The following DSCAML1 variants were observed in gnomAD, a reference collection of about 807,000 sequenced individuals.
DSCAML1 encodes DS cell adhesion molecule like 1, also known as cell adhesion molecule DSCAML1.
Under a neutral mutation model 200.5 loss-of-function variants are expected in DSCAML1, and 38 were observed. That is an observed-to-expected ratio of 0.19 (90% CI 0.15 to 0.25). DSCAML1 has a LOEUF of 0.25. Ranked by LOEUF, DSCAML1 falls within the 10% of genes least tolerant of loss-of-function variation. The pLI is 1.00. For missense variants in DSCAML1, 2,223 were observed against 2,858.8 expected (o/e 0.78, Z 5.07); for synonymous variants, 1,215 against 1,165.0 (o/e 1.04, Z -0.87).
At chr11:117,445,669 A>G (rs1478964470) in intron 20 of DSCAML1, among the ~76,000 whole-genome samples, 2 of 152,276 alleles carry the variant, frequency 1.3e-5, no homozygotes, top group Non-Finnish European at 2.9e-5. Context: ...CAGTACAGGA[A>G]CGTATGTGTT....
chr11:117,654,696 T>C (rs2052698851), intron 3 of DSCAML1, among the ~76,000 whole-genome samples: 2 of 152,150 alleles, frequency 1.3e-5, no homozygotes, highest in African/African-American at 4.8e-5. Flanking sequence ...CTGCAGAATG[T>C]TAAATTGGAA....
chr11:117,597,925 A>T (rs1481031081), intron 3 of DSCAML1, among the ~76,000 whole-genome samples: 1 of 152,260 alleles, frequency 6.6e-6, no homozygotes, highest in Non-Finnish European at 1.5e-5. Context: ...AAAAGAAAAA[A>T]AAAAGCAACC....
At chr11:117,511,387 C>T (rs1293730588) in intron 8 of DSCAML1, among the ~76,000 whole-genome samples, 1 of 152,180 alleles carries the variant, frequency 6.6e-6, no homozygotes, top group African/African-American at 2.4e-5. Context: ...GGAGCCAATG[C>T]AAAGGGGCCC....
chr11:117,488,001 C>T (rs929311402), intron 11 of DSCAML1, among the ~76,000 whole-genome samples: 1 of 152,168 alleles, frequency 6.6e-6, no homozygotes, highest in Non-Finnish European at 1.5e-5. Flanking sequence ...GAGGGAAAGA[C>T]GGTCTGGGAA....
At chr11:117,543,715 T>C (rs558652806) in intron 3 of DSCAML1, among the ~76,000 whole-genome samples, 1 of 152,230 alleles carries the variant, frequency 6.6e-6, no homozygotes, top group African/African-American at 2.4e-5. Context: ...CGATTTTCTC[T>C]GTTCGTGGAG....
intron 3 of DSCAML1, among the ~76,000 whole-genome samples, chr11:117,624,866 A>G (rs1006635061): frequency 5.9e-5 from 9 of 152,124 alleles, no homozygotes; most frequent in Admixed American, 4.6e-4. Flanking sequence ...TTGGCAGAGG[A>G]GAGACAGAAC....
At chr11:117,633,923 T>A (rs1002640185) in intron 3 of DSCAML1, among the ~76,000 whole-genome samples, 3 of 152,178 alleles carry the variant, frequency 2.0e-5, no homozygotes, top group African/African-American at 7.2e-5. Flanking sequence ...TGGGACCCTG[T>A]TCTCTGAATG....
At chr11:117,572,430 C>T (rs12274349) in intron 3 of DSCAML1, among the ~76,000 whole-genome samples, 3,815 of 152,246 alleles carry the variant, frequency 0.025, 156 homozygotes, top group African/African-American at 0.086. Flanking sequence ...TGGCATTTCA[C>T]CACCATGATA....
chr11:117,430,946 T>C lies in DSCAML1; in HGVS notation c.5462A>G (p.Glu1821Gly). ...AAACTTGGCGTGCTGCAGCTGCTCC[T>C]CCAGCTTGGCATGCTCATAGGCCCG... is the stretch of plus-strand genomic sequence containing the variant. ...LARAYEHAKL[E>G]EQLQHAKFEI... The change falls in exon 32 of 33, where the codon GAG becomes GGG. Residue 1821 changes from glutamate to glycine, a missense_variant. Glu to Gly is a moderately conservative substitution (Grantham distance 98, BLOSUM62 -2). Coordinates refer to ENST00000651296, the MANE Select transcript of DSCAML1 (RefSeq NM_020693.4). 9 of 1,614,164 alleles carry C rather than the reference T, an allele frequency of 5.6e-6. No individual in the cohort carries two copies. The highest frequency in any genetic ancestry group is 7.6e-6 in the Non-Finnish European group (9 of 1,180,032).
chr11:117,479,966 A>C (rs1434729705), intron 14 of DSCAML1, among the ~76,000 whole-genome samples: 1 of 152,060 alleles, frequency 6.6e-6, no homozygotes, highest in Non-Finnish European at 1.5e-5. Flanking sequence ...CTCTTAGAGG[A>C]AATATAGGTC....
chr11:117,745,441 C>A (rs117373043), intron 3 of DSCAML1, among the ~76,000 whole-genome samples: 2 of 151,964 alleles, frequency 1.3e-5, no homozygotes, highest in African/African-American at 4.8e-5. Context: ...CAGGGTGGGG[C>A]GGGGGACAGG....
chr11:117,443,074 G>A (rs1429881233), intron 21 of DSCAML1, among the ~76,000 whole-genome samples: 1 of 152,210 alleles, frequency 6.6e-6, no homozygotes, highest in Non-Finnish European at 1.5e-5. Flanking sequence ...TGGCCAGGCT[G>A]CGCAGGCACC....
upstream of DSCAML1, chr11:117,800,728 C>G (rs2055649651): frequency 6.6e-6 from 1 of 152,054 alleles, no homozygotes; most frequent in South Asian, 2.1e-4. Context: ...TTAAACAATG[C>G]CAGTTGAAGC....
chr11:117,630,125 G>C (rs1013233579), intron 3 of DSCAML1, among the ~76,000 whole-genome samples: 2 of 152,148 alleles, frequency 1.3e-5, no homozygotes, highest in African/African-American at 2.4e-5. Flanking sequence ...GAGAAAGCGC[G>C]AGATGTCACC....
Position 117,438,073 on chromosome 11 carries a change from T to A in DSCAML1, c.4254A>T (p.Leu1418=). Residue 1418 remains leucine (L), a synonymous_variant, in exon 25 of 33, where the codon CTA becomes CTT. Transcript: ENST00000651296. The part of the protein sequence containing the change: ...NGGSSIRGFV[L]QYSVDNSEEW... ...CCTCGCTGTTGTCCACCGAGTACTG[T>A]AGCACGAAGCCTGCGGAGGGTAGGC... The A allele has an allele frequency of 1.2e-6, 2 of 1,611,964 alleles. No homozygotes were observed. Among genetic ancestry groups the A allele is most frequent in the Non-Finnish European group, 1.7e-6 (2 of 1,178,582 alleles).
chr11:117,544,038 A>AGAGG (rs1253174775), intron 3 of DSCAML1, among the ~76,000 whole-genome samples: 1 of 152,118 alleles, frequency 6.6e-6, no homozygotes, highest in Admixed American at 6.5e-5. Context: ...ATATGGAGTC[A>AGAGG]GAGGGAGGAG....
chr11:117,577,507 C>CCTTCCTTCCT (rs2050964368), intron 3 of DSCAML1, among the ~76,000 whole-genome samples: 1 of 32,428 alleles, frequency 3.1e-5, no homozygotes, highest in African/African-American at 9.5e-5. Context: ...CCTTCCTTCC[C>CCTTCCTTCCT]TCCTTCCTTC....
chr11:117,554,446 T>A (rs1461402335), intron 3 of DSCAML1, among the ~76,000 whole-genome samples: 1 of 152,176 alleles, frequency 6.6e-6, no homozygotes, highest in East Asian at 1.9e-4. Flanking sequence ...GGTGGTGCGA[T>A]CTCGGCTCAC....
At chr11:117,485,591 A>G (rs2049030651) in intron 11 of DSCAML1, among the ~76,000 whole-genome samples, 1 of 152,220 alleles carries the variant, frequency 6.6e-6, no homozygotes, top group Non-Finnish European at 1.5e-5. Context: ...AAGTGAACCC[A>G]CATATGTAAA....
Sources: allele counts gnomAD v4.1 joint callset (sites outside exome capture counted in the v4.1 genomes callset), GRCh38; gene constraint gnomAD v4.1.1; transcripts MANE v1.5; gene names NCBI Gene and HGNC (gene_info 2026-07-23, HGNC 2026-07-21).